Variants in PLS1 observed in about 807,000 individuals in gnomAD.
The protein encoded by PLS1 is plastin 1.
A neutral mutation model predicts 73.7 loss-of-function variants in PLS1; 32 were observed. That is an observed-to-expected ratio of 0.43 (90% confidence interval 0.33 to 0.58). The LOEUF (loss-of-function observed/expected upper bound fraction) is 0.58, where lower values mean the gene tolerates loss of function less well. PLS1 is among the 20% of genes least tolerant of loss of function. The pLI is 0.04. For synonymous variants in PLS1, 217 were observed against 261.3 expected (o/e 0.83, Z 1.63); for missense variants, 633 against 740.5 (o/e 0.85, Z 1.68).
intron 12 of PLS1, 39 bp downstream of exon 12, chr3:142,698,106 C>A: frequency 8.7e-7 from 1 of 1,153,376 alleles, no homozygotes; most frequent in South Asian, 1.3e-5. Context: ...TGTTATTGTT[C>A]TGATATGAAA....
chr3:142,658,326 A>T (rs1247559280), intron 1 of PLS1, among the ~76,000 whole-genome samples: 1 of 152,040 alleles, frequency 6.6e-6, no homozygotes, highest in Non-Finnish European at 1.5e-5. Flanking sequence ...TACAAAAAAA[A>T]TTAGCCAGAT....
intron 1 of PLS1, among the ~76,000 whole-genome samples, chr3:142,633,220 G>A (rs984378200): frequency 2.6e-5 from 4 of 152,346 alleles, no homozygotes; most frequent in African/African-American, 9.6e-5. Flanking sequence ...GCCAGAGGCT[G>A]GGAGAGGAGA....
chr3:142,652,224 A>G (rs1448563258), intron 1 of PLS1, among the ~76,000 whole-genome samples: 1 of 152,196 alleles, frequency 6.6e-6, no homozygotes, highest in Non-Finnish European at 1.5e-5. Context: ...CTCAGCTTAC[A>G]GGTTATCTAT....
chr3:142,621,184 A>C (rs999594323), intron 1 of PLS1, among the ~76,000 whole-genome samples: 2 of 152,194 alleles, frequency 1.3e-5, no homozygotes, highest in Non-Finnish European at 1.5e-5. Context: ...CATAGTAGAT[A>C]CTAAAGAAGA....
chr3:142,660,957 A>G (rs536214038), intron 1 of PLS1, among the ~76,000 whole-genome samples: 22 of 152,232 alleles, frequency 1.4e-4, no homozygotes, highest in Admixed American at 3.3e-4. Context: ...TGCAAGGTCA[A>G]CACAAACACT....
chr3:142,649,236 AG>A (rs371210981), intron 1 of PLS1, among the ~76,000 whole-genome samples: 2,478 of 147,658 alleles, frequency 0.017, 25 homozygotes, highest in Non-Finnish European at 0.024. Context: ...GCTACTCGGG[AG>A]GCTGAGGTGG....
At position 142,713,653 on chromosome 3, in the gene PLS1, TG is replaced by T. The variant is rs1413599561; in HGVS notation, c.*1647del. 1 of 152,576 alleles carries T rather than the reference TG, an allele frequency of 6.6e-6. No homozygotes were observed. The highest frequency in any genetic ancestry group is 1.9e-4 in the East Asian group (1 of 5,200). 9.5% of individuals were successfully genotyped at this position (152,576 alleles called of 1,614,324 possible). A position where few individuals can be genotyped will look rare whatever the true frequency, so the allele number is the denominator to read the frequency against. On this transcript the variant is annotated 3_prime_UTR_variant, in exon 16 of 16. Transcript: ENST00000457734. ...CAGAGTATATTTAATAAAAATGCTG[TG>T]TATATAGAAATGTGTTTATATTTAT...
chr3:142,672,589 C>T (rs922907697), intron 4 of PLS1, among the ~76,000 whole-genome samples: 3 of 151,990 alleles, frequency 2.0e-5, no homozygotes, highest in South Asian at 2.1e-4. Context: ...ATGATCCACC[C>T]GCCTTGGCCT....
At chr3:142,691,622 T>C (rs147210010) in intron 10 of PLS1, among the ~76,000 whole-genome samples, 238 of 152,302 alleles carry the variant, frequency 1.6e-3, no homozygotes, top group African/African-American at 5.5e-3. Context: ...TTATTTACTG[T>C]CTATTAAGAT....
intron 12 of PLS1, among the ~76,000 whole-genome samples, chr3:142,703,122 C>T (rs775220455): frequency 2.0e-5 from 3 of 152,000 alleles, no homozygotes; most frequent in East Asian, 1.9e-4. Flanking sequence ...TAAAGAATAT[C>T]GGAGATGAAG....
chr3:142,702,957 A>C (rs2107952530), intron 12 of PLS1, among the ~76,000 whole-genome samples: 1 of 152,324 alleles, frequency 6.6e-6, no homozygotes, highest in East Asian at 1.9e-4. Flanking sequence ...TACAAGGCTA[A>C]GTATAGTAGA....
Position 142,684,239 on chromosome 3 carries a change from T to C in PLS1, c.746-14T>C, listed in dbSNP as rs983136223. 5 of 1,613,910 alleles carry C rather than the reference T, an allele frequency of 3.1e-6. No homozygotes were observed. The highest frequency in any genetic ancestry group is 4.2e-6 in the Non-Finnish European group (5 of 1,179,902). ...GCTATGGGAAGAATTTACATTTCGC[T>C]GTTTTGCCCTCAGCTCTGATTGCAT... On this transcript the variant is annotated splice_polypyrimidine_tract_variant and intron_variant, in intron 7 of 15. Transcript: ENST00000457734.
At chr3:142,665,891 A>G (rs1220477623) in intron 2 of PLS1, among the ~76,000 whole-genome samples, 7 of 152,042 alleles carry the variant, frequency 4.6e-5, no homozygotes, top group Admixed American at 4.6e-4. Context: ...CAAAACCCCA[A>G]CCCAGAAGCA....
intron 1 of PLS1, among the ~76,000 whole-genome samples, chr3:142,647,281 C>G (rs934966776): frequency 2.6e-5 from 4 of 152,152 alleles, no homozygotes; most frequent in Non-Finnish European, 5.9e-5. Flanking sequence ...ATTGCATCAA[C>G]TTATCACCTT....
At chr3:142,662,898 A>T in intron 1 of PLS1, among the ~76,000 whole-genome samples, 1 of 152,180 alleles carries the variant, frequency 6.6e-6, no homozygotes, top group East Asian at 1.9e-4. Flanking sequence ...AAAAAGGTAC[A>T]CATGTGTTTT....
At chr3:142,652,835 G>A (rs536152726) in intron 1 of PLS1, among the ~76,000 whole-genome samples, 34 of 152,336 alleles carry the variant, frequency 2.2e-4, no homozygotes, top group African/African-American at 7.5e-4. Flanking sequence ...CAGTAAGCAA[G>A]TCTAACTCTG....
intron 10 of PLS1, 57 bp downstream of exon 10, chr3:142,689,870 T>G: frequency 9.0e-7 from 1 of 1,106,012 alleles, no homozygotes; most frequent in Middle Eastern, 2.7e-4. Flanking sequence ...TGGTATTGTC[T>G]TACTTCACTG....
At chr3:142,652,908 A>C (rs1560050381) in intron 1 of PLS1, among the ~76,000 whole-genome samples, 1 of 152,196 alleles carries the variant, frequency 6.6e-6, no homozygotes, top group Non-Finnish European at 1.5e-5. Flanking sequence ...TGAGTGACCA[A>C]ATCCCATGTG....
At chr3:142,606,963 G>A (rs989565475) in intron 1 of PLS1, among the ~76,000 whole-genome samples, 46 of 152,258 alleles carry the variant, frequency 3.0e-4, no homozygotes, top group Admixed American at 2.0e-3. Context: ...ATACCTAGAA[G>A]TGGAATTGCT....
Sources: gnomAD v4.1 joint callset for allele counts (sites outside exome capture counted in the v4.1 genomes callset) on GRCh38, gnomAD v4.1.1 for gene constraint, MANE v1.5 for transcripts, NCBI Gene and HGNC (gene_info 2026-07-23, HGNC 2026-07-21) for gene names.